The following RAB38 variants were observed in gnomAD, a reference collection of about 807,000 sequenced individuals.
RAB38 encodes ras-related protein Rab-38.
Under a neutral mutation model 18.4 loss-of-function variants are expected in RAB38, and 15 were observed. The observed-to-expected ratio is 0.82, with a 90% confidence interval of 0.55 to 1.26. RAB38 has a LOEUF of 1.26. RAB38 is among the 50% of genes most tolerant of loss of function. The pLI is 0.00. For missense variants in RAB38, 294 were observed against 267.4 expected (o/e 1.10, Z -0.69); for synonymous variants, 101 against 104.4 (o/e 0.97, Z 0.20).
At chr11:87,977,515 TTATA>T in the RAB38 span, among the ~76,000 whole-genome samples, 1 of 105,542 alleles carries the variant, frequency 9.5e-6, no homozygotes, top group Admixed American at 1.2e-4. Flanking sequence ...GATTATGTAA[TTATA>T]TAGATAATAT....
chr11:87,930,648 T>C, the RAB38 span, among the ~76,000 whole-genome samples: 27 of 152,316 alleles, frequency 1.8e-4, no homozygotes, highest in East Asian at 4.4e-3. Context: ...ACCATGCCTA[T>C]GTCCTGAATG....
chr11:88,084,322 A>T, the RAB38 span, among the ~76,000 whole-genome samples: 3 of 151,772 alleles, frequency 2.0e-5, no homozygotes, highest in Non-Finnish European at 4.4e-5. Flanking sequence ...TTAAAAAAAA[A>T]GTAAAGTTAT....
intron 1 of RAB38, 67 bp downstream of exon 1, chr11:88,175,116 G>C (rs1347290603): frequency 6.9e-7 from 1 of 1,453,288 alleles, no homozygotes; most frequent in Non-Finnish European, 9.2e-7. Context: ...GCCGCAAGCC[G>C]CTGCCTCGAG....
the RAB38 span, among the ~76,000 whole-genome samples, chr11:88,087,138 C>T: frequency 6.6e-6 from 1 of 151,848 alleles, no homozygotes; most frequent in African/African-American, 2.4e-5. Context: ...GCAGAATGTG[C>T]CTTGAATAGA....
At chr11:87,857,907 CT>C in the RAB38 span, among the ~76,000 whole-genome samples, 1 of 152,146 alleles carries the variant, frequency 6.6e-6, no homozygotes, top group Non-Finnish European at 1.5e-5. Flanking sequence ...GTTGCCACTG[CT>C]TTTGGTGTTT....
the RAB38 span, among the ~76,000 whole-genome samples, chr11:88,087,269 C>A: frequency 9.2e-5 from 14 of 152,008 alleles, no homozygotes; most frequent in Admixed American, 8.5e-4. Flanking sequence ...CCACACTTGG[C>A]CATTGTTTCA....
chr11:87,959,978 C>T, the RAB38 span, among the ~76,000 whole-genome samples: 1 of 152,102 alleles, frequency 6.6e-6, no homozygotes, highest in Non-Finnish European at 1.5e-5. Context: ...ATTCATGTAG[C>T]TTAGCCTATA....
chr11:87,828,091 T>G, the RAB38 span, among the ~76,000 whole-genome samples: 1 of 152,200 alleles, frequency 6.6e-6, no homozygotes, highest in Non-Finnish European at 1.5e-5. Flanking sequence ...GAAAGGTATA[T>G]GGAAACTCTG....
intron 2 of RAB38, among the ~76,000 whole-genome samples, chr11:88,147,200 C>A (rs1209776416): frequency 6.6e-6 from 1 of 151,994 alleles, no homozygotes; most frequent in Non-Finnish European, 1.5e-5. Context: ...TGTTTTTATC[C>A]ATGAAGGCAA....
At chr11:88,060,094 T>C in the RAB38 span, 1 of 152,226 alleles carries the variant, frequency 6.6e-6, no homozygotes, top group South Asian at 2.1e-4. Flanking sequence ...AAGTGGTCTG[T>C]GCTTGAGAAG....
chr11:87,867,058 T>G, the RAB38 span, among the ~76,000 whole-genome samples: 3 of 151,782 alleles, frequency 2.0e-5, no homozygotes, highest in Non-Finnish European at 4.4e-5. Flanking sequence ...CAGACATAAC[T>G]GGGTGGAGCC....
At chr11:88,085,793 G>A in the RAB38 span, among the ~76,000 whole-genome samples, 24 of 151,836 alleles carry the variant, frequency 1.6e-4, no homozygotes, top group African/African-American at 3.9e-4. Context: ...ATCATAAGGC[G>A]TACAAAGCCT....
chr11:87,846,218 A>G, the RAB38 span, among the ~76,000 whole-genome samples: 1 of 152,096 alleles, frequency 6.6e-6, no homozygotes, highest in Non-Finnish European at 1.5e-5. Context: ...ACAGAAAACA[A>G]GAGAATGGTA....
the RAB38 span, among the ~76,000 whole-genome samples, chr11:88,075,880 CA>C: frequency 2.5e-5 from 3 of 118,828 alleles, no homozygotes; most frequent in Non-Finnish European, 3.4e-5. Context: ...GATTTTGTCT[CA>C]AAAAAAAGAA....
At chr11:87,949,806 C>G in the RAB38 span, among the ~76,000 whole-genome samples, 3 of 152,134 alleles carry the variant, frequency 2.0e-5, no homozygotes, top group African/African-American at 7.2e-5. Flanking sequence ...TGCTTTACTT[C>G]CAACTATGTG....
chr11:87,810,399 A>G, the RAB38 span, among the ~76,000 whole-genome samples: 18 of 152,264 alleles, frequency 1.2e-4, no homozygotes, highest in African/African-American at 4.1e-4. Flanking sequence ...GAGCTTTTAT[A>G]AAATGGAATC....
the RAB38 span, among the ~76,000 whole-genome samples, chr11:87,821,858 A>T: frequency 6.6e-6 from 1 of 152,072 alleles, no homozygotes; most frequent in African/African-American, 2.4e-5. Flanking sequence ...CTTAAAAAAA[A>T]AAAAAAAGGA....
chr11:88,005,027 G>T, the RAB38 span, among the ~76,000 whole-genome samples: 3 of 151,232 alleles, frequency 2.0e-5, no homozygotes. Flanking sequence ...AATTGGAAGG[G>T]ATAATTTCAT....
intron 1 of RAB38, chr11:88,173,480 G>A: frequency 1.0e-6 from 1 of 962,990 alleles, no homozygotes; most frequent in Non-Finnish European, 1.2e-6. Flanking sequence ...CTGGAATTTG[G>A]GCTATTAATC....
Sources: gnomAD v4.1 joint callset for allele counts (sites outside exome capture counted in the v4.1 genomes callset) on GRCh38, gnomAD v4.1.1 for gene constraint, MANE v1.5 for transcripts, NCBI Gene and HGNC (gene_info 2026-07-23, HGNC 2026-07-21) for gene names.